Variants in ZNF7 observed in about 807,000 individuals in gnomAD.
ZNF7 encodes the protein C2-H2 type zinc finger protein.
Under a neutral mutation model 12.0 loss-of-function variants are expected in ZNF7, and 10 were observed. The ratio of observed to expected loss-of-function variants is 0.83; its 90% CI spans 0.51 to 1.42. The LOEUF is 1.42. Among genes scored for constraint, ZNF7 ranks in the 40% most tolerant of loss-of-function variants. The pLI is 0.00. For synonymous variants in ZNF7, 334 were observed against 295.0 expected, an observed-to-expected ratio of 1.13 and a Z score of -1.35; for missense variants, 854 against 837.2, an observed-to-expected ratio of 1.02 and a Z score of -0.25.
Position 144,843,300 on chromosome 8 carries a change from C to A in ZNF7, c.*132C>A. On this transcript the variant is annotated 3_prime_UTR_variant, in exon 5 of 5. Transcript: ENST00000532777. ...GTTCAGAATTGCTCTCAAGAATATC[C>A]AACTTCAGGCCGAGTGTGGTGGCTT... The A allele has an allele frequency of 8.5e-7, 1 of 1,172,564 alleles. No homozygotes were observed. The highest frequency in any genetic ancestry group is 1.2e-6 in the Non-Finnish European group (1 of 855,566). 72.6% of individuals were successfully genotyped at this position (1,172,564 alleles called of 1,614,324 possible). A position where few individuals can be genotyped will look rare whatever the true frequency, so the allele number is the denominator to read the frequency against.
In ZNF7 at chr8:144,843,157, C is replaced by G; in HGVS notation, c.2050C>G (p.His684Asp). The change falls in exon 5 of 5, where the codon CAC (histidine) becomes GAC (aspartate). Residue 684 changes from histidine to aspartate, a missense_variant. By Grantham distance (81) the His-to-Asp change is moderately conservative. Coordinates refer to ENST00000532777, the MANE Select transcript of ZNF7 (RefSeq NM_003416.4). ...SSRLTQHQKI[H>D]MG ...AAGGCTTACCCAGCATCAAAAAATT[C>G]ACATGGGATAGACCACTTACATATA... 6.3e-7 allele frequency: 1 copy of G among 1,587,926 alleles called. No homozygotes were observed. Among genetic ancestry groups the G allele is most frequent in the Non-Finnish European group, 8.5e-7 (1 of 1,169,660 alleles).
rs1223434873 is a variant in ZNF7 at position 144,843,638 on chromosome 8, T to C, written c.*470T>C. 6.5e-6 allele frequency: 1 copy of C among 153,058 alleles called. No individual in the cohort carries two copies. The highest frequency in any genetic ancestry group is 2.4e-5 in the African/African-American group (1 of 41,394). The allele number at this position is 153,058 out of a possible 1,614,324, so 9.5% of individuals were successfully genotyped here. ...CAACTTCATACAAAATGTATGTTTA[T>C]TTCCTGAAATGTTTGACCTTAACCT... On this transcript the variant is annotated 3_prime_UTR_variant, in exon 5 of 5. Coordinates refer to ENST00000532777, the MANE Select transcript of ZNF7 (RefSeq NM_003416.4).
Position 144,842,561 on chromosome 8 carries a change from T to C in ZNF7, c.1454T>C (p.Ile485Thr), listed in dbSNP as rs1188371711. 1.2e-6 allele frequency: 2 copies of C among 1,613,984 alleles called. No homozygotes were observed. Among genetic ancestry groups the C allele is most frequent in the African/African-American group, 1.3e-5 (1 of 74,910 alleles). The change falls in exon 5 of 5, where the codon ATT (isoleucine) becomes ACT (threonine). Residue 485 changes from isoleucine to threonine, a missense_variant. Transcript: ENST00000532777. ...GKGFVQGSHLIQHQRIHTGEK... is the reference protein window; with the variant it reads ...GKGFVQGSHLTQHQRIHTGEK... ...GGCTTTGTTCAGGGCTCACACCTTATTCAGCATCAGCGAATCCACACTGGA... is the reference window on the plus strand; with the variant it reads ...GGCTTTGTTCAGGGCTCACACCTTACTCAGCATCAGCGAATCCACACTGGA...
Position 144,843,230 on chromosome 8 carries a change from A to C in ZNF7, c.*62A>C. 6.7e-7 allele frequency: 1 copy of C among 1,486,688 alleles called. No individual in the cohort carries two copies. Among genetic ancestry groups the C allele is most frequent in the Non-Finnish European group, 9.0e-7 (1 of 1,111,980 alleles). The allele number at this position is 1,486,688 out of a possible 1,614,324, so 92.1% of individuals were successfully genotyped here. Reference sequence around the variant, plus strand: ...CCTATAGCCTTAACTTACTTATTTTATATGGAATCGTTTATACTGACAAAC... The same window carrying C: ...CCTATAGCCTTAACTTACTTATTTTCTATGGAATCGTTTATACTGACAAAC... On this transcript the variant is annotated 3_prime_UTR_variant, in exon 5 of 5. Coordinates refer to ENST00000532777, the MANE Select transcript of ZNF7 (RefSeq NM_003416.4).
Position 144,841,367 on chromosome 8 carries a change from G to A in ZNF7, c.260G>A (p.Arg87Lys). 6.2e-7 allele frequency: 1 copy of A among 1,604,022 alleles called. No individual in the cohort carries two copies. Among genetic ancestry groups the A allele is most frequent in the Non-Finnish European group, 8.5e-7 (1 of 1,172,420 alleles). The change falls in exon 5 of 5, where the codon AGG becomes AAG. Residue 87 changes from arginine (R) to lysine (K), a missense_variant. Transcript: ENST00000532777. Reference sequence around the variant, plus strand: ...CTGTTTATTTCAGATTCTACGATTAGGACTGAAAATGAGCAGGCCTGTGAG... The same window carrying A: ...CTGTTTATTTCAGATTCTACGATTAAGACTGAAAATGAGCAGGCCTGTGAG... ...PRTSKTDSTIRTENEQACEDM... is the reference protein window; with the variant it reads ...PRTSKTDSTIKTENEQACEDM...
rs146442659 is a variant in ZNF7, at chr8:144,843,124, C to T, written c.2017C>T (p.Arg673Cys). The T allele has an allele frequency of 2.7e-5, 43 of 1,609,774 alleles. No individual in the cohort carries two copies. Among genetic ancestry groups the T allele is most frequent in the Non-Finnish European group, 3.3e-5 (39 of 1,178,188 alleles). The change falls in exon 5 of 5, where the codon CGT becomes TGT. Residue 673 changes from arginine to cysteine, a missense_variant. Physicochemically the swap from Arg to Cys is radical, Grantham distance 180. Coordinates refer to ENST00000532777, the MANE Select transcript of ZNF7 (RefSeq NM_003416.4). ...KCNDCGKAFN[R>C]SSRLTQHQKI... The stretch of plus-strand genomic sequence containing the variant: ...CAATGACTGTGGCAAAGCTTTTAAT[C>T]GTAGCTCAAGGCTTACCCAGCATCA...
At chr8:144,828,984 T>TAGGA (rs1828120096) in intron 1 of ZNF7, 59 bp from the exon 2 acceptor site, 1 of 1,583,780 alleles carries the variant, frequency 6.3e-7, no homozygotes, top group Non-Finnish European at 8.6e-7. Flanking sequence ...CCCCCTTGAT[T>TAGGA]AGCCTGGAAG....
chr8:144,830,562 A>C (rs1828326261), intron 3 of ZNF7, among the ~76,000 whole-genome samples: 1 of 152,184 alleles, frequency 6.6e-6, no homozygotes, highest in Non-Finnish European at 1.5e-5. Context: ...TAAAACATGT[A>C]GTTATGTACA....
At chr8:144,829,726 G>T in intron 3 of ZNF7, 122 bp downstream of exon 3, 4 of 1,308,922 alleles carry the variant, frequency 3.1e-6, no homozygotes, top group African/African-American at 1.5e-5. Context: ...TCCACAGGGG[G>T]CTTGGACTCA....
rs1004375149 is a variant in ZNF7, at chr8:144,827,580, T to C, written c.-75T>C. The C allele has an allele frequency of 1.0e-6, 1 of 985,544 alleles. No homozygotes were observed. The highest frequency in any genetic ancestry group is 1.7e-5 in the African/African-American group (1 of 57,206). 61.0% of individuals were successfully genotyped at this position (985,544 alleles called of 1,614,324 possible). A position where few individuals can be genotyped will look rare whatever the true frequency, so the allele number is the denominator to read the frequency against. ...GGCCCGTTTCCGGCGGCGTCGCGCG[T>C]TTGCGAGCCTCGGGTGGTCCTCAGG... On this transcript the variant is annotated 5_prime_UTR_variant, in exon 1 of 5. Coordinates refer to ENST00000532777, the MANE Select transcript of ZNF7 (RefSeq NM_003416.4).
At chr8:144,845,879 C>G, downstream of ZNF7, 1 of 1,205,388 alleles carries the variant, frequency 8.3e-7, no homozygotes. Flanking sequence ...TGCCTTGCGT[C>G]ACGTGGCTGC....
At chr8:144,844,897 T>G (rs1586852315), downstream of ZNF7, among the ~76,000 whole-genome samples, 7 of 141,404 alleles carry the variant, frequency 5.0e-5, no homozygotes, top group South Asian at 2.3e-4. Context: ...GGAGAGGGAG[T>G]GGGGAAAGAG....
intron 4 of ZNF7, chr8:144,838,391 GCCT>G: frequency 2.1e-6 from 1 of 473,326 alleles, no homozygotes; most frequent in South Asian, 3.5e-5. Flanking sequence ...GGCACCCACT[GCCT>G]CCGGCATCAG....
rs34934472 is a variant in ZNF7 at position 144,831,781 on chromosome 8, T to TAA, written c.130+2194_130+2195dup. On this transcript the variant is annotated intron_variant, in intron 3 of 4. Transcript: ENST00000532777. ...CTGGGCAACAGAGCGAGACTCCATC[T>TAA]AAAAAAAAAAAAAAAAAAGACTATC... Among the ~76,000 whole-genome samples, 13 of 64,276 alleles carry TAA rather than the reference T, an allele frequency of 2.0e-4. 2 individuals are homozygous for TAA. Among genetic ancestry groups the TAA allele is most frequent in the African/African-American group, 5.6e-4 (13 of 23,112 alleles). The allele number at this position is 64,276 out of a possible 152,430, so 42.2% of individuals were successfully genotyped here.
intron 3 of ZNF7, among the ~76,000 whole-genome samples, chr8:144,830,129 G>C (rs998275282): frequency 1.3e-5 from 2 of 152,184 alleles, no homozygotes; most frequent in Non-Finnish European, 2.9e-5. Flanking sequence ...CTTGGTGAGG[G>C]GGGGTGCGTC....
chr8:144,840,795 C>G (rs953242403), intron 4 of ZNF7, among the ~76,000 whole-genome samples: 3 of 152,150 alleles, frequency 2.0e-5, no homozygotes, highest in Non-Finnish European at 4.4e-5. Flanking sequence ...CAGGAGGCAG[C>G]TGAGGGGGCT....
intron 4 of ZNF7, chr8:144,840,985 T>G (rs971954953): frequency 3.2e-5 from 7 of 216,378 alleles, no homozygotes; most frequent in Admixed American, 1.1e-4. Flanking sequence ...GCTCGGATGC[T>G]GGAGCCCCTG....
In ZNF7 at chr8:144,842,984, A is replaced by G. The variant is rs1386600637; in HGVS notation, c.1877A>G (p.Lys626Arg). The G allele has an allele frequency of 6.2e-7, 1 of 1,614,106 alleles. No homozygotes were observed. The highest frequency in any genetic ancestry group is 1.3e-5 in the African/African-American group (1 of 74,930). ...LEGSTFVSRK[K>R]VNTIKKLHQC... ...GGGTCCACCTTTGTGAGCCGTAAAA[A>G]GGTTAATACTATAAAGAAACTGCAT... is the stretch of plus-strand genomic sequence containing the variant. The change falls in exon 5 of 5, where the codon AAG becomes AGG. Residue 626 changes from lysine to arginine, a missense_variant. Physicochemically the swap from Lys to Arg is conservative, Grantham distance 26. Coordinates refer to ENST00000532777, the MANE Select transcript of ZNF7 (RefSeq NM_003416.4).
At chr8:144,847,361 G>T, downstream of ZNF7, 1 of 152,276 alleles carries the variant, frequency 6.6e-6, no homozygotes, top group South Asian at 2.1e-4. Flanking sequence ...AGGATCACGT[G>T]ACCCCAGGAG....
Sources: gnomAD v4.1 joint callset for allele counts (sites outside exome capture counted in the v4.1 genomes callset) on GRCh38, gnomAD v4.1.1 for gene constraint, MANE v1.5 for transcripts, NCBI Gene and HGNC (gene_info 2026-07-23, HGNC 2026-07-21) for gene names.